CD1D: variants seen among roughly 807,000 people sequenced by gnomAD.
CD1D encodes CD1d molecule.
Under a neutral mutation model 42.1 loss-of-function variants are expected in CD1D, and 40 were observed. The observed-to-expected ratio is 0.95, with a 90% confidence interval of 0.74 to 1.24. The LOEUF is 1.24. CD1D is among the 50% of genes most tolerant of loss of function. The probability of loss-of-function intolerance (pLI) is 0.00; values close to 1 mark genes in which losing one functional copy is unlikely to be tolerated. For missense variants in CD1D, 437 were observed against 416.5 expected (o/e 1.05, Z -0.43); for synonymous variants, 178 against 171.8 (o/e 1.04, Z -0.28).
intron 1 of CD1D, 126 bp downstream of exon 1, chr1:158,181,288 A>T: frequency 7.0e-7 from 1 of 1,427,762 alleles, no homozygotes; most frequent in East Asian, 2.3e-5. Flanking sequence ...CGATCTAGGT[A>T]GAAAACTCGC....
In CD1D at chr1:158,181,436, A is replaced by G. The variant is rs772630834; in HGVS notation, c.62-19A>G. 1.9e-6 allele frequency: 3 copies of G among 1,611,348 alleles called. No individual in the cohort carries two copies. Among genetic ancestry groups the G allele is most frequent in the East Asian group, 2.2e-5 (1 of 44,782 alleles). On this transcript the variant is annotated intron_variant, in intron 1 of 5. Coordinates refer to ENST00000674085, the MANE Select transcript of CD1D (RefSeq NM_001371762.2). The stretch of plus-strand genomic sequence containing the variant: ...TCCCGGCCACTTGCTACACGCCTCC[A>G]ATCTTCATTCTCTCCCAGTCCCGCA...
chr1:158,178,378 A>T (rs1049758031), upstream of CD1D, among the ~76,000 whole-genome samples: 1 of 152,158 alleles, frequency 6.6e-6, no homozygotes, highest in Non-Finnish European at 1.5e-5. Flanking sequence ...AGCTATTATA[A>T]AAGTTTCCCT....
rs989333479 is a variant in CD1D at position 158,185,366 on chromosome 1, T to C, written c.*1216T>C. On this transcript the variant is annotated 3_prime_UTR_variant, in exon 6 of 6. Transcript: ENST00000674085. ...ACTCTCTATACTAGACTTGCACATA[T>C]GAATTTAGGATGTGCGTGAAGATTC... Among the ~76,000 whole-genome samples the C allele has an allele frequency of 6.6e-6, 1 of 152,136 alleles. No homozygotes were observed. The highest frequency in any genetic ancestry group is 2.4e-5 in the African/African-American group (1 of 41,430).
chr1:158,183,355 A>G (rs1043997191), intron 4 of CD1D, among the ~76,000 whole-genome samples, 199 bp downstream of exon 4: 1 of 152,218 alleles, frequency 6.6e-6, no homozygotes, highest in African/African-American at 2.4e-5. Flanking sequence ...AAGGATTGAA[A>G]TAGTGCTCTC....
Position 158,184,108 on chromosome 1 carries a change from TC to T in CD1D, c.987-18del, listed in dbSNP as rs777988503. ...GGCTTCCCTTTTCCTTAATGGTCTTTCCCTTTCTATTCTCTCACAGTTCCTA... is the reference window on the plus strand; with the variant it reads ...GGCTTCCCTTTTCCTTAATGGTCTTTCCTTTCTATTCTCTCACAGTTCCTA... On this transcript the variant is annotated intron_variant, in intron 5 of 5. Transcript: ENST00000674085. The T allele has an allele frequency of 5.1e-5, 83 of 1,614,016 alleles. No individual in the cohort carries two copies. In the South Asian group the frequency reaches 8.3e-4, roughly 16 times the overall value.
In CD1D at chr1:158,186,163, T is replaced by G. The variant is rs1648695634; in HGVS notation, c.*2013T>G. ...CTCCTAGACTTGTGGAGTTCAAGTG[T>G]GTAATGCCTTAAAAGATGTGGAGGC... On this transcript the variant is annotated 3_prime_UTR_variant, in exon 6 of 6. Coordinates refer to ENST00000674085, the MANE Select transcript of CD1D (RefSeq NM_001371762.2). Among the ~76,000 whole-genome samples, 1 of 152,148 alleles carries G rather than the reference T, an allele frequency of 6.6e-6. No homozygotes were observed. Among genetic ancestry groups the G allele is most frequent in the Non-Finnish European group, 1.5e-5 (1 of 68,024 alleles).
chr1:158,184,283 A>G lies in CD1D; in HGVS notation c.*133A>G. The G allele has an allele frequency of 1.2e-6, 1 of 868,476 alleles. No individual in the cohort carries two copies. Among genetic ancestry groups the G allele is most frequent in the Non-Finnish European group, 1.9e-6 (1 of 539,750 alleles). 53.8% of individuals were successfully genotyped at this position (868,476 alleles called of 1,614,324 possible). A position where few individuals can be genotyped will look rare whatever the true frequency, so the allele number is the denominator to read the frequency against. On this transcript the variant is annotated 3_prime_UTR_variant, in exon 6 of 6. Transcript: ENST00000674085. The stretch of plus-strand genomic sequence containing the variant: ...TAGGAGAGATACCTTGAAAAAGTAG[A>G]GAACAGTCATGAGGCAGCTTTCATC...
In CD1D at chr1:158,181,116, G is replaced by C. The variant is rs779513552; in HGVS notation, c.15G>C (p.Leu5=). ...CGCCGGGCGATATGGGGTGCCTGCT[G>C]TTTCTGCTGCTCTGGGCGCTCCTCC... MGCL[L]FLLLWALLQA... is the part of the protein sequence containing the mutation. Residue 5 remains leucine (L), a synonymous_variant, in exon 1 of 6, where the codon CTG becomes CTC. Coordinates refer to ENST00000674085, the MANE Select transcript of CD1D (RefSeq NM_001371762.2). The C allele has an allele frequency of 6.5e-7, 1 of 1,548,308 alleles. No individual in the cohort carries two copies. The highest frequency in any genetic ancestry group is 8.7e-7 in the Non-Finnish European group (1 of 1,146,132).
At chr1:158,183,273 G>T (rs1648544717) in intron 4 of CD1D, 117 bp downstream of exon 4, 8 of 1,239,326 alleles carry the variant, frequency 6.5e-6, no homozygotes, top group Non-Finnish European at 8.7e-6. Context: ...TCAGAGATGA[G>T]GCCCCCAGTA....
rs750404873 is a variant in CD1D, at chr1:158,181,179, C to G, written c.61+17C>G. On this transcript the variant is annotated intron_variant, in intron 1 of 5. Transcript: ENST00000674085. ...GCGCTGAAGGTGGGTGGAACGAGGG[C>G]GCTTGAGTGCACTCGCGGGAGGGCG... 6.5e-7 allele frequency: 1 copy of G among 1,548,114 alleles called. No homozygotes were observed. Among genetic ancestry groups the G allele is most frequent in the Admixed American group, 2.0e-5 (1 of 50,302 alleles).
Position 158,181,683 on chromosome 1 carries a change from G to C in CD1D, c.290G>C (p.Arg97Thr), listed in dbSNP as rs1425881954. 6.2e-7 allele frequency: 1 copy of C among 1,612,728 alleles called. No individual in the cohort carries two copies. The highest frequency in any genetic ancestry group is 1.7e-5 in the Admixed American group (1 of 60,024). Residue 97 changes from arginine (R) to threonine (T), a missense_variant, in exon 2 of 6, where the codon AGG becomes ACG. By Grantham distance (71) the Arg-to-Thr change is moderately conservative. Coordinates refer to ENST00000674085, the MANE Select transcript of CD1D (RefSeq NM_001371762.2). ...CGGGTTTATCGAAGCAGCTTCACCA[G>C]GGACGTGAAGGAATTCGCCAAAATG... ...IFRVYRSSFTRDVKEFAKMLR... is the reference protein window; with the variant it reads ...IFRVYRSSFTTDVKEFAKMLR...
Position 158,186,023 on chromosome 1 carries a change from A to G in CD1D, c.*1873A>G, listed in dbSNP as rs1045940479. On this transcript the variant is annotated 3_prime_UTR_variant, in exon 6 of 6. Transcript: ENST00000674085. The stretch of plus-strand genomic sequence containing the variant: ...GGAATTTGAAGCAGAGCTTTGAAAA[A>G]CAAAGGCAGTGAGGTGAACCAGCAA... Among the ~76,000 whole-genome samples, 1 of 152,186 alleles carries G rather than the reference A, an allele frequency of 6.6e-6. No homozygotes were observed. The highest frequency in any genetic ancestry group is 1.5e-5 in the Non-Finnish European group (1 of 68,036).
In CD1D at chr1:158,185,795, C is replaced by T. The variant is rs888102748; in HGVS notation, c.*1645C>T. The stretch of plus-strand genomic sequence containing the variant: ...GTTATAAATGCAAATTGTTTTGGGC[C>T]TCATCCTATACCCGCTGAATGAGAA... On this transcript the variant is annotated 3_prime_UTR_variant, in exon 6 of 6. Transcript: ENST00000674085. Among the ~76,000 whole-genome samples, 2 of 152,210 alleles carry T rather than the reference C, an allele frequency of 1.3e-5. No homozygotes were observed. Among genetic ancestry groups the T allele is most frequent in the African/African-American group, 4.8e-5 (2 of 41,432 alleles).
chr1:158,181,301 C>T, intron 1 of CD1D, 139 bp downstream of exon 1: 2 of 1,423,132 alleles, frequency 1.4e-6, no homozygotes, highest in South Asian at 1.3e-5. Flanking sequence ...AAACTCGCTG[C>T]TCCCTGGCTC....
In CD1D at chr1:158,184,612, C is replaced by T. The variant is rs1470501170; in HGVS notation, c.*462C>T. 1.8e-5 allele frequency: 3 copies of T among 167,426 alleles called. No individual in the cohort carries two copies. Among genetic ancestry groups the T allele is most frequent in the Non-Finnish European group, 2.6e-5 (2 of 76,978 alleles). The allele number at this position is 167,426 out of a possible 1,614,324, so 10.4% of individuals were successfully genotyped here. ...GAAAACTGGAAATCTGGATTTTCAG[C>T]GAACATGCCTGATTTTAAAAGGTTG... On this transcript the variant is annotated 3_prime_UTR_variant, in exon 6 of 6. Transcript: ENST00000674085.
At position 158,183,080 on chromosome 1, in the gene CD1D, G is replaced by A. The variant is rs376559161; in HGVS notation, c.810G>A (p.Val270=). 2 of 1,614,172 alleles carry A rather than the reference G, an allele frequency of 1.2e-6. No homozygotes were observed. Among genetic ancestry groups the A allele is most frequent in the Non-Finnish European group, 1.7e-6 (2 of 1,180,006 alleles). ...TWYLRATLDV[V]AGEAAGLSCR... ...ATCTCCGAGCAACCCTGGATGTGGT[G>A]GCTGGGGAGGCAGCTGGCCTGTCCT... The change falls in exon 4 of 6, where the codon GTG becomes GTA. Residue 270 remains valine (V), a synonymous_variant. Transcript: ENST00000674085.
At position 158,185,937 on chromosome 1, in the gene CD1D, A is replaced by G. The variant is rs1156387840; in HGVS notation, c.*1787A>G. Among the ~76,000 whole-genome samples, 5 of 152,100 alleles carry G rather than the reference A, an allele frequency of 3.3e-5. No homozygotes were observed. The highest frequency in any genetic ancestry group is 1.2e-4 in the African/African-American group (5 of 41,406). On this transcript the variant is annotated 3_prime_UTR_variant, in exon 6 of 6. Coordinates refer to ENST00000674085, the MANE Select transcript of CD1D (RefSeq NM_001371762.2). Reference sequence around the variant, plus strand: ...GCAATGTTATACAACAACTTCCTCAAAGTGCTAAGTGAAAAGGACATTGGC... The same window carrying G: ...GCAATGTTATACAACAACTTCCTCAGAGTGCTAAGTGAAAAGGACATTGGC...
chr1:158,178,440 A>T (rs1409795771), upstream of CD1D, among the ~76,000 whole-genome samples: 2 of 152,204 alleles, frequency 1.3e-5, no homozygotes, highest in East Asian at 3.9e-4. Context: ...TCCTTTGTAC[A>T]TTAAATGGTC....
At chr1:158,178,708 A>G (rs992189157), upstream of CD1D, among the ~76,000 whole-genome samples, 5 of 152,190 alleles carry the variant, frequency 3.3e-5, no homozygotes, top group Admixed American at 3.3e-4. Flanking sequence ...GAGTCCACAT[A>G]TAAGTGAGAT....
Sources: allele counts gnomAD v4.1 joint callset (sites outside exome capture counted in the v4.1 genomes callset), GRCh38; gene constraint gnomAD v4.1.1; transcripts MANE v1.5; gene names NCBI Gene and HGNC (gene_info 2026-07-23, HGNC 2026-07-21).